PCDH15: variants seen among roughly 807,000 people sequenced by gnomAD.
The protein encoded by PCDH15 is protocadherin-15.
PCDH15 carries 129 observed loss-of-function variants against 178.5 expected under a neutral mutation model. That is an observed-to-expected ratio of 0.72 (90% CI 0.63 to 0.84). The LOEUF is 0.84. PCDH15 is among the 40% of genes least tolerant of loss of function. The pLI, the probability that PCDH15 is intolerant of heterozygous loss-of-function variation, is 0.00. For synonymous variants in PCDH15, 800 were observed against 732.0 expected (o/e 1.09, Z -1.50); for missense variants, 2,230 against 2,099.9 (o/e 1.06, Z -1.21).
intron 1 of PCDH15, among the ~76,000 whole-genome samples, chr10:55,225,204 T>G (rs1170073866): frequency 1.3e-5 from 2 of 151,948 alleles, no homozygotes; most frequent in Non-Finnish European, 2.9e-5. Context: ...AACAAATAAA[T>G]GAACAAGCAA....
chr10:54,407,076 C>A (rs1367621516), intron 3 of PCDH15, among the ~76,000 whole-genome samples: 2 of 152,076 alleles, frequency 1.3e-5, no homozygotes, highest in Admixed American at 1.3e-4. Context: ...TTGAAAGAAA[C>A]TTCCTGAAGG....
chr10:55,236,676 A>G, intron 1 of PCDH15, among the ~76,000 whole-genome samples: 1 of 152,050 alleles, frequency 6.6e-6, no homozygotes, highest in East Asian at 1.9e-4. Flanking sequence ...CTGAACATTC[A>G]AAAGTTGGCG....
At chr10:54,870,499 A>G (rs1199962286) in intron 3 of PCDH15, among the ~76,000 whole-genome samples, 2 of 152,100 alleles carry the variant, frequency 1.3e-5, no homozygotes, top group African/African-American at 4.8e-5. Context: ...AATTCCACAT[A>G]AAAAGACCGG....
At chr10:54,729,944 CT>C (rs1267769749) in intron 1 of PCDH15, among the ~76,000 whole-genome samples, 1 of 151,438 alleles carries the variant, frequency 6.6e-6, no homozygotes, top group African/African-American at 2.4e-5. Flanking sequence ...TTAAACACCG[CT>C]GGTAGGAGTG....
intron 2 of PCDH15, among the ~76,000 whole-genome samples, chr10:54,917,587 A>AT (rs1214999006): frequency 6.6e-5 from 10 of 152,330 alleles, no homozygotes. Flanking sequence ...ATACAACTCA[A>AT]GTGAAACAGC....
At chr10:53,993,026 C>T (rs1240830246) in intron 21 of PCDH15, among the ~76,000 whole-genome samples, 1 of 152,160 alleles carries the variant, frequency 6.6e-6, no homozygotes, top group Non-Finnish European at 1.5e-5. Flanking sequence ...ATGAGTGGTT[C>T]TCACTTCATT....
At chr10:55,589,596 T>C (rs904937734) in intron 2 of PCDH15, among the ~76,000 whole-genome samples, 1 of 151,824 alleles carries the variant, frequency 6.6e-6, no homozygotes, top group African/African-American at 2.4e-5. Context: ...GAATCTACAA[T>C]GAACTCAAAC....
intron 5 of PCDH15, among the ~76,000 whole-genome samples, chr10:54,347,121 G>A (rs1943423207): frequency 1.3e-5 from 2 of 152,158 alleles, no homozygotes; most frequent in African/African-American, 4.8e-5. Flanking sequence ...ATGATTTGAT[G>A]TGTGACCTAA....
At chr10:54,459,607 G>C (rs947173627) in intron 3 of PCDH15, among the ~76,000 whole-genome samples, 79 of 152,162 alleles carry the variant, frequency 5.2e-4, no homozygotes, top group Admixed American at 1.0e-3. Flanking sequence ...AGTGTTTTAT[G>C]AGGATATTAG....
At chr10:54,148,543 T>G (rs1057218391) in intron 14 of PCDH15, among the ~76,000 whole-genome samples, 1 of 152,060 alleles carries the variant, frequency 6.6e-6, no homozygotes, top group African/African-American at 2.4e-5. Context: ...TTTTCAATTG[T>G]TGCACTTAGT....
chr10:54,790,729 T>C (rs2133551380), intron 1 of PCDH15, among the ~76,000 whole-genome samples: 1 of 152,018 alleles, frequency 6.6e-6, no homozygotes, highest in Admixed American at 6.6e-5. Context: ...ATTGCCTACA[T>C]ACTCATCTAA....
chr10:54,900,899 A>G (rs1954627840), intron 2 of PCDH15, among the ~76,000 whole-genome samples: 1 of 152,192 alleles, frequency 6.6e-6, no homozygotes, highest in South Asian at 2.1e-4. Context: ...GTATTGGTCA[A>G]CAGGCAATGT....
At chr10:54,642,297 G>C (rs74136237) in intron 2 of PCDH15, among the ~76,000 whole-genome samples, 2 of 152,088 alleles carry the variant, frequency 1.3e-5, no homozygotes, top group African/African-American at 4.8e-5. Flanking sequence ...CCAGAACTAT[G>C]AACAATAATT....
intron 2 of PCDH15, among the ~76,000 whole-genome samples, chr10:55,164,210 G>A (rs775801679): frequency 1.3e-5 from 2 of 151,914 alleles, no homozygotes; most frequent in East Asian, 1.9e-4. Context: ...AATAAAGTTG[G>A]AGTACTTGAG....
chr10:55,584,810 C>A (rs1029929101), intron 2 of PCDH15, among the ~76,000 whole-genome samples: 1 of 151,188 alleles, frequency 6.6e-6, no homozygotes, highest in Non-Finnish European at 1.5e-5. Context: ...ACAGTTGGAT[C>A]GATTTTAAAC....
In PCDH15 at chr10:53,856,636, G is replaced by A. The variant is rs766748190; in HGVS notation, c.3806+539C>T. The stretch of plus-strand genomic sequence containing the variant: ...CCATGAATGTTATGATTTCTCATAT[G>A]CAGCATTTTGAGGTTCTGATACATC... On this transcript the variant is annotated intron_variant, in intron 28 of 37. Transcript: ENST00000644397. 3.3e-5 allele frequency among the ~76,000 whole-genome samples: 5 copies of A among 152,020 alleles called. No individual in the cohort carries two copies. In the South Asian group the frequency reaches 1.0e-3, roughly 32 times the overall value.
chr10:55,162,558 A>T (rs1224939753), intron 2 of PCDH15, among the ~76,000 whole-genome samples: 1 of 152,170 alleles, frequency 6.6e-6, no homozygotes, highest in African/African-American at 2.4e-5. Flanking sequence ...ATTCCTGGGC[A>T]TGGGCCAAGC....
At chr10:55,287,505 A>G (rs1005911031) in intron 1 of PCDH15, among the ~76,000 whole-genome samples, 5 of 152,048 alleles carry the variant, frequency 3.3e-5, no homozygotes, top group African/African-American at 1.2e-4. Flanking sequence ...ATTCATAAAA[A>G]GAAAAGGATA....
chr10:53,836,814 G>C (rs879932364), intron 29 of PCDH15, among the ~76,000 whole-genome samples: 1 of 152,166 alleles, frequency 6.6e-6, no homozygotes, highest in African/African-American at 2.4e-5. Context: ...AGATAACCCA[G>C]ATATTGGAAC....
Sources: allele counts gnomAD v4.1 joint callset (sites outside exome capture counted in the v4.1 genomes callset), GRCh38; gene constraint gnomAD v4.1.1; transcripts MANE v1.5; gene names NCBI Gene and HGNC (gene_info 2026-07-23, HGNC 2026-07-21).